The following HERC1 variants were observed in gnomAD, a reference collection of about 807,000 sequenced individuals.
HERC1 encodes probable E3 ubiquitin-protein ligase HERC1.
HERC1 carries 160 observed loss-of-function variants against 554.3 expected under a neutral mutation model. The observed-to-expected ratio is 0.29, with a 90% CI of 0.25 to 0.33. The LOEUF (loss-of-function observed/expected upper bound fraction) is 0.33, where lower values mean the gene tolerates loss of function less well. HERC1 is among the 10% of genes least tolerant of loss of function. The pLI is 1.00. For missense variants in HERC1, 4,919 were observed against 5,918.5 expected, an observed-to-expected ratio of 0.83 and a Z score of 5.54; for synonymous variants, 2,175 against 2,131.7, an observed-to-expected ratio of 1.02 and a Z score of -0.56.
Position 63,612,255 on chromosome 15 carries a change from T to C in HERC1, c.14396A>G (p.Asp4799Gly). 6.2e-7 allele frequency: 1 copy of C among 1,605,506 alleles called. No homozygotes were observed. Among genetic ancestry groups the C allele is most frequent in the Non-Finnish European group, 8.5e-7 (1 of 1,173,684 alleles). Reference protein sequence around the residue: ...ISQRFQIMKVDRPYDSLPTSQ... With the variant: ...ISQRFQIMKVGRPYDSLPTSQ... ...AAAAAAGAATAGCTTACTTACCCTA[T>C]CAACCTTCATGATTTGAAATCTCTG... Residue 4799 changes from aspartate to glycine, a missense_variant, in exon 77 of 78, where the codon GAT becomes GGT. Asp to Gly is a moderately conservative substitution (Grantham distance 94). Around this residue, in one of 11 missense-constraint regions of HERC1, gnomAD observed 71 missense variants for 101.4 expected, o/e 0.70. Transcript: ENST00000443617. This position sits in a 1 kb window ranked among gnomAD's most constrained non-coding sequence, Gnocchi z 5.0.
intron 73 of HERC1, among the ~76,000 whole-genome samples, chr15:63,623,174 G>C (rs1196757993): frequency 6.6e-6 from 1 of 152,124 alleles, no homozygotes. Flanking sequence ...TGTTCAAATC[G>C]AATCAGTAAT....
At chr15:63,733,730 TAGTTTC>T (rs1369571813) in intron 13 of HERC1, among the ~76,000 whole-genome samples, 1 of 152,120 alleles carries the variant, frequency 6.6e-6, no homozygotes, top group Non-Finnish European at 1.5e-5. Context: ...TGCATGCCTG[TAGTTTC>T]AGCTACTCAG....
intron 1 of HERC1, among the ~76,000 whole-genome samples, chr15:63,815,896 A>G (rs1258701364): frequency 6.6e-6 from 1 of 152,182 alleles, no homozygotes; most frequent in East Asian, 1.9e-4. Flanking sequence ...TGGGGGCAAG[A>G]AGGAGAAGTG....
intron 1 of HERC1, among the ~76,000 whole-genome samples, chr15:63,781,018 T>C (rs1412166621): frequency 1.3e-5 from 2 of 152,116 alleles, no homozygotes; most frequent in East Asian, 1.9e-4. Flanking sequence ...GAAGATAAAA[T>C]GTAGGGTAAT....
At chr15:63,717,889 A>G (rs1031170387) in intron 21 of HERC1, among the ~76,000 whole-genome samples, 1 of 152,150 alleles carries the variant, frequency 6.6e-6, no homozygotes, top group African/African-American at 2.4e-5. Flanking sequence ...ATAAAAAACA[A>G]GTAGTTTCAA....
At chr15:63,656,501 G>T in intron 48 of HERC1, 143 bp from the exon 49 acceptor site, 1 of 723,208 alleles carries the variant, frequency 1.4e-6, no homozygotes, top group Non-Finnish European at 2.2e-6. Context: ...TGTCCTAAGA[G>T]TTGCCAAAGG....
In HERC1 at chr15:63,661,766, T is replaced by C. The variant is rs1342032956; in HGVS notation, c.9157A>G (p.Thr3053Ala). ...ATTTCAAGGTACCTTTCAGAACTTG[T>C]TGACTTAGATTTGGTCTTCATGGCT... ...YLAMKTKSKS[T>A]SSERYKGQAP... Residue 3053 changes from threonine (T) to alanine (A), a missense_variant, in exon 45 of 78, where the codon ACA becomes GCA. Physicochemically the swap from Thr to Ala is moderately conservative, Grantham distance 58. Around this residue, in one of 11 missense-constraint regions of HERC1, gnomAD observed 1,963 missense variants for 2,228.6 expected, o/e 0.88. Transcript: ENST00000443617. 1.2e-6 allele frequency: 2 copies of C among 1,613,866 alleles called. No individual in the cohort carries two copies. The highest frequency in any genetic ancestry group is 3.3e-5 in the Admixed American group (2 of 60,004).
chr15:63,779,256 T>A (rs1160006153), intron 1 of HERC1, among the ~76,000 whole-genome samples: 1 of 152,058 alleles, frequency 6.6e-6, no homozygotes, highest in Non-Finnish European at 1.5e-5. Flanking sequence ...TGAATCAATA[T>A]ACAAGGTACT....
chr15:63,718,349 T>C lies in HERC1; in HGVS notation c.3978+225A>G, dbSNP rs2073661831. ...TCATTCAATTTGTTATTAATATTTATGCAGCCAACTAAAGTTTCTTAGAAC... is the reference window on the plus strand; with the variant it reads ...TCATTCAATTTGTTATTAATATTTACGCAGCCAACTAAAGTTTCTTAGAAC... On this transcript the variant is annotated intron_variant, in intron 21 of 77. Coordinates refer to ENST00000443617, the MANE Select transcript of HERC1 (RefSeq NM_003922.4). This position sits in a 1 kb window ranked among gnomAD's most constrained non-coding sequence, Gnocchi z 4.2. 1 of 432,348 alleles carries C rather than the reference T, an allele frequency of 2.3e-6. No individual in the cohort carries two copies. The highest frequency in any genetic ancestry group is 3.9e-5 in the Admixed American group (1 of 25,730). The allele number at this position is 432,348 out of a possible 1,614,324, so 26.8% of individuals were successfully genotyped here.
rs775817871 is a variant in HERC1 at position 63,609,246 on chromosome 15, G to A, written c.14421C>T (p.Thr4807=). Residue 4807 remains threonine (T), a synonymous_variant, in exon 78 of 78, where the codon ACC becomes ACT. Coordinates refer to ENST00000443617, the MANE Select transcript of HERC1 (RefSeq NM_003922.4). ...TCAGCTGGAAGAAGCAGGTCTGTGAGGTAGGCAGACTGTCGTAAGGCTGTG... is the reference window on the plus strand; with the variant it reads ...TCAGCTGGAAGAAGCAGGTCTGTGAAGTAGGCAGACTGTCGTAAGGCTGTG... ...KVDRPYDSLP[T]SQTCFFQLRL... 6.2e-7 allele frequency: 1 copy of A among 1,612,804 alleles called. No individual in the cohort carries two copies. The highest frequency in any genetic ancestry group is 8.5e-7 in the Non-Finnish European group (1 of 1,179,408).
intron 12 of HERC1, among the ~76,000 whole-genome samples, chr15:63,741,702 T>C (rs1065250): frequency 0.23 from 34,530 of 152,206 alleles, 4,874 homozygotes; most frequent in Middle Eastern, 0.35. Flanking sequence ...TTCATTCTTT[T>C]GCATGTGGGT....
At chr15:63,669,513 T>C in intron 40 of HERC1, 25 bp downstream of exon 40, 2 of 1,609,846 alleles carry the variant, frequency 1.2e-6, no homozygotes, top group Non-Finnish European at 1.7e-6. Flanking sequence ...ACTTTGGATA[T>C]CATAGTGCAT....
At chr15:63,657,158 G>A (rs2070085384) in intron 48 of HERC1, among the ~76,000 whole-genome samples, 1 of 151,994 alleles carries the variant, frequency 6.6e-6, no homozygotes, top group African/African-American at 2.4e-5. Context: ...CAATGTATGG[G>A]AGTTTTAGCT....
At chr15:63,798,639 A>G (rs1337480367) in intron 1 of HERC1, among the ~76,000 whole-genome samples, 1 of 151,996 alleles carries the variant, frequency 6.6e-6, no homozygotes, top group Non-Finnish European at 1.5e-5. Flanking sequence ...TTTGACCTAC[A>G]ATTATTTAGG....
chr15:63,749,960 G>C lies in HERC1; in HGVS notation c.1903-169C>G, dbSNP rs578104616. On this transcript the variant is annotated intron_variant, in intron 8 of 77. Coordinates refer to ENST00000443617, the MANE Select transcript of HERC1 (RefSeq NM_003922.4). This position sits in a 1 kb window ranked among gnomAD's most constrained non-coding sequence, Gnocchi z 4.1. ...GATTGTTACAGCGATTTATCATGCT[G>C]CCTTTAGGCATTCACTGTATAGGCA... Among the ~76,000 whole-genome samples the C allele has an allele frequency of 1.3e-5, 2 of 152,358 alleles. No homozygotes were observed. Among genetic ancestry groups the C allele is most frequent in the East Asian group, 3.9e-4 (2 of 5,190 alleles).
chr15:63,781,022 G>C (rs2076273098), intron 1 of HERC1, among the ~76,000 whole-genome samples: 1 of 152,056 alleles, frequency 6.6e-6, no homozygotes, highest in Admixed American at 6.5e-5. Flanking sequence ...ATAAAATGTA[G>C]GGTAATGATA....
intron 76 of HERC1, among the ~76,000 whole-genome samples, chr15:63,615,211 T>C (rs2067762046): frequency 6.6e-6 from 1 of 152,138 alleles, no homozygotes; most frequent in Non-Finnish European, 1.5e-5. Context: ...GAATGCCAGA[T>C]GAAAACAGTC....
intron 24 of HERC1, among the ~76,000 whole-genome samples, chr15:63,711,092 G>C (rs2073270147): frequency 6.6e-6 from 1 of 152,166 alleles, no homozygotes. Context: ...CCAACACTTT[G>C]GGAGGCTGAA....
At chr15:63,746,138 TA>T (rs1480693506) in intron 12 of HERC1, among the ~76,000 whole-genome samples, 23 of 152,160 alleles carry the variant, frequency 1.5e-4, no homozygotes, top group South Asian at 4.1e-4. Flanking sequence ...ATTCGATATA[TA>T]TTTTTTTTAA....
Sources: allele counts gnomAD v4.1 joint callset (sites outside exome capture counted in the v4.1 genomes callset), GRCh38; gene constraint gnomAD v4.1.1; regional missense constraint gnomAD v4.1.1; non-coding constraint Gnocchi (gnomAD v3.1); transcripts MANE v1.5; gene names NCBI Gene and HGNC (gene_info 2026-07-23, HGNC 2026-07-21).